The following ZFP14 variants were observed in gnomAD, a reference collection of about 807,000 sequenced individuals.
The protein encoded by ZFP14 is zinc finger protein 14 homolog.
A neutral mutation model predicts 54.5 loss-of-function variants in ZFP14; 22 were observed. The ratio of observed to expected loss-of-function variants is 0.40; its 90% CI spans 0.29 to 0.58. The LOEUF (loss-of-function observed/expected upper bound fraction) is 0.58. Ranked by LOEUF, ZFP14 falls within the 20% of genes least tolerant of loss-of-function variation. ZFP14 has a pLI of 0.39. For missense variants in ZFP14, 470 were observed against 637.8 expected, an observed-to-expected ratio of 0.74 and a Z score of 2.83; for synonymous variants, 159 against 204.0, an observed-to-expected ratio of 0.78 and a Z score of 1.88.
At chr19:36,377,547 A>G (rs990544736) in intron 1 of ZFP14, among the ~76,000 whole-genome samples, 3 of 14,122 alleles carry the variant, frequency 2.1e-4, no homozygotes, top group Admixed American at 7.6e-4. Context: ...CCCTGTCTCT[A>G]AAAAAAAAAA....
At position 36,341,227 on chromosome 19, in the gene ZFP14, T is replaced by A. The variant is rs765596255; in HGVS notation, c.599A>T (p.Tyr200Phe). The A allele has an allele frequency of 2.0e-5, 32 of 1,614,224 alleles. No individual in the cohort carries two copies. In the East Asian group the frequency reaches 5.6e-4, roughly 28 times the overall value. ...HLRIHTGEKP[Y>F]KCKECGQAFR... ...GGCCTGCCCACATTCCTTACACTTA[T>A]AAGGTTTCTCACCAGTATGAATTCT... The change falls in exon 5 of 5, where the codon TAT becomes TTT. Residue 200 changes from tyrosine to phenylalanine, a missense_variant. Physicochemically the swap from Tyr to Phe is conservative, Grantham distance 22 (BLOSUM62 3). Coordinates refer to ENST00000270001, the MANE Select transcript of ZFP14 (RefSeq NM_020917.3). This position sits in a 1 kb window ranked among gnomAD's most constrained non-coding sequence, Gnocchi z 4.2.
chr19:36,367,779 G>T, intron 2 of ZFP14, 105 bp downstream of exon 2: 2 of 1,378,750 alleles, frequency 1.5e-6, no homozygotes, highest in Non-Finnish European at 2.0e-6. Context: ...GCAGGTTCTT[G>T]GATGAAGCTC....
rs1411050667 is a variant in ZFP14, at chr19:36,340,831, T to C, written c.995A>G (p.Lys332Arg). 6.2e-7 allele frequency: 1 copy of C among 1,613,738 alleles called. No individual in the cohort carries two copies. Among genetic ancestry groups the C allele is most frequent in the African/African-American group, 1.3e-5 (1 of 74,838 alleles). ...VCGPDLRVHQKIHFGEKPYEC... is the reference protein window; with the variant it reads ...VCGPDLRVHQRIHFGEKPYEC... ...ATAGGGTTTCTCACCAAAATGAATTTTCTGATGTACTCTAAGGTCTGGACC... is the reference window on the plus strand; with the variant it reads ...ATAGGGTTTCTCACCAAAATGAATTCTCTGATGTACTCTAAGGTCTGGACC... The change falls in exon 5 of 5, where the codon AAA (lysine) becomes AGA (arginine). Residue 332 changes from lysine to arginine, a missense_variant. Physicochemically the swap from Lys to Arg is conservative, Grantham distance 26. Coordinates refer to ENST00000270001, the MANE Select transcript of ZFP14 (RefSeq NM_020917.3). This position sits in a 1 kb window ranked among gnomAD's most constrained non-coding sequence, Gnocchi z 5.4.
At chr19:36,376,860 A>G (rs1028391339) in intron 1 of ZFP14, among the ~76,000 whole-genome samples, 1 of 152,208 alleles carries the variant, frequency 6.6e-6, no homozygotes, top group Non-Finnish European at 1.5e-5. Flanking sequence ...AAGAGATTAA[A>G]TAAATTGCCC....
In ZFP14 at chr19:36,341,446, C is replaced by T. The variant is rs767001504; in HGVS notation, c.380G>A (p.Ser127Asn). Reference sequence around the variant, plus strand: ...TTGTTCCTTTTCCCCCTCAATCTTGCTTTTGCATTCCCAATCATTCCTAAA... The same window carrying T: ...TTGTTCCTTTTCCCCCTCAATCTTGTTTTTGCATTCCCAATCATTCCTAAA... ...SIFRNDWECK[S>N]KIEGEKEQQE... is the part of the protein sequence containing the mutation. Residue 127 changes from serine (S) to asparagine (N), a missense_variant, in exon 5 of 5, where the codon AGC becomes AAC. Physicochemically the swap from Ser to Asn is conservative, Grantham distance 46 (BLOSUM62 1). Coordinates refer to ENST00000270001, the MANE Select transcript of ZFP14 (RefSeq NM_020917.3). This position sits in a 1 kb window ranked among gnomAD's most constrained non-coding sequence, Gnocchi z 4.2. 1 of 1,614,126 alleles carries T rather than the reference C, an allele frequency of 6.2e-7. No individual in the cohort carries two copies. The highest frequency in any genetic ancestry group is 8.5e-7 in the Non-Finnish European group (1 of 1,180,008).
chr19:36,361,659 C>T (rs553399335), intron 3 of ZFP14, among the ~76,000 whole-genome samples: 94 of 152,074 alleles, frequency 6.2e-4, no homozygotes, highest in Non-Finnish European at 1.1e-3. Flanking sequence ...CTCAGTCTCC[C>T]GAGTAGCTGG....
intron 4 of ZFP14, among the ~76,000 whole-genome samples, chr19:36,358,007 T>A: frequency 6.6e-6 from 1 of 151,676 alleles, no homozygotes; most frequent in East Asian, 1.9e-4. Context: ...CCTTCCAAAG[T>A]ACAGGGATTC....
intron 2 of ZFP14, among the ~76,000 whole-genome samples, chr19:36,366,991 T>C (rs1432272665): frequency 6.6e-6 from 1 of 151,980 alleles, no homozygotes; most frequent in African/African-American, 2.4e-5. Context: ...CCATCTCTAC[T>C]AAAAATGCAA....
intron 4 of ZFP14, among the ~76,000 whole-genome samples, chr19:36,349,407 G>A (rs1282506452): frequency 6.6e-6 from 1 of 151,654 alleles, no homozygotes; most frequent in African/African-American, 2.4e-5. Context: ...GCTCACGCCT[G>A]TAATCCCAGC....
chr19:36,369,677 T>C (rs1435169880), intron 1 of ZFP14, among the ~76,000 whole-genome samples: 3 of 151,950 alleles, frequency 2.0e-5, no homozygotes, highest in South Asian at 4.2e-4. Flanking sequence ...TCCTAAAATG[T>C]TGGGATTACA....
At chr19:36,348,896 T>A (rs987036108) in intron 4 of ZFP14, among the ~76,000 whole-genome samples, 3 of 152,116 alleles carry the variant, frequency 2.0e-5, no homozygotes, top group Non-Finnish European at 4.4e-5. Context: ...TTTTTATCAA[T>A]GCTCTGACTC....
At position 36,341,686 on chromosome 19, in the gene ZFP14, C is replaced by G; in HGVS notation, c.236-96G>C. 1 of 1,166,184 alleles carries G rather than the reference C, an allele frequency of 8.6e-7. No homozygotes were observed. Among genetic ancestry groups the G allele is most frequent in the Admixed American group, 3.2e-5 (1 of 31,586 alleles). 72.2% of individuals were successfully genotyped at this position (1,166,184 alleles called of 1,614,324 possible). On this transcript the variant is annotated intron_variant, in intron 4 of 4. Coordinates refer to ENST00000270001, the MANE Select transcript of ZFP14 (RefSeq NM_020917.3). This position sits in a 1 kb window ranked among gnomAD's most constrained non-coding sequence, Gnocchi z 4.2. ...AACCACTTCTATAGAGAAAAGGCAC[C>G]TAAAATAATGCCTGTTACAAATTGA...
chr19:36,335,252 T>C lies in ZFP14; in HGVS notation c.*4972A>G, dbSNP rs908865495. ...TTTTTCAAATACCATCGAGAATTAA[T>C]ATTCCTTGAAGCAAACTTCTGGAGA... On this transcript the variant is annotated 3_prime_UTR_variant, in exon 5 of 5. Coordinates refer to ENST00000270001, the MANE Select transcript of ZFP14 (RefSeq NM_020917.3). The C allele has an allele frequency of 4.6e-5, 7 of 152,212 alleles. No individual in the cohort carries two copies. Among genetic ancestry groups the C allele is most frequent in the African/African-American group, 1.7e-4 (7 of 41,458 alleles). The allele number at this position is 152,212 out of a possible 1,614,324, so 9.4% of individuals were successfully genotyped here. A position where few individuals can be genotyped will look rare whatever the true frequency, so the allele number is the denominator to read the frequency against.
Position 36,340,160 on chromosome 19 carries a change from A to AT in ZFP14, c.*63dup. 3 of 1,452,616 alleles carry AT rather than the reference A, an allele frequency of 2.1e-6. No homozygotes were observed. The allele number at this position is 1,452,616 out of a possible 1,614,324, so 90.0% of individuals were successfully genotyped here. ...ATGCTTGGAATTGAGCATGAAACAC[A>AT]TTTTCTCAAAAATGAATTTTCTGAT... On this transcript the variant is annotated 3_prime_UTR_variant, in exon 5 of 5. Coordinates refer to ENST00000270001, the MANE Select transcript of ZFP14 (RefSeq NM_020917.3). The surrounding 1 kb of genome is among the most constrained non-coding windows in gnomAD (Gnocchi z 5.4).
At chr19:36,372,077 G>A (rs953247540) in intron 1 of ZFP14, among the ~76,000 whole-genome samples, 61 of 150,494 alleles carry the variant, frequency 4.1e-4, no homozygotes, top group Non-Finnish European at 1.5e-4. Flanking sequence ...GAAAGGAAGG[G>A]AGGGAGGTAG....
In ZFP14 at chr19:36,352,798, G is replaced by A. The variant is rs190818975; in HGVS notation, c.235+7637C>T. ...CTACTAAAAATATAAAAAATTAGCC[G>A]GGCGTGGTGGCAGGCGCCTGTAGTC... On this transcript the variant is annotated intron_variant, in intron 4 of 4. Transcript: ENST00000270001. Among the ~76,000 whole-genome samples the A allele has an allele frequency of 7.7e-5, 11 of 142,360 alleles. 3 individuals carry two copies. The highest frequency in any genetic ancestry group is 2.2e-4 in the Admixed American group (3 of 13,898). The allele number at this position is 142,360 out of a possible 152,430, so 93.4% of individuals were successfully genotyped here.
rs1431623267 is a variant in ZFP14 at position 36,340,423 on chromosome 19, G to A, written c.1403C>T (p.Thr468Ile). ...ACCAGTGTGAATACTCTGATGTTGG[G>A]TAAGTTGTGAGAGCAGTCTAAAAGG... is the stretch of plus-strand genomic sequence containing the variant. The part of the protein sequence containing the change: ...RKPFRLLSQL[T>I]QHQSIHTGEK... Residue 468 changes from threonine (T) to isoleucine (I), a missense_variant, in exon 5 of 5, where the codon ACC becomes ATC. By Grantham distance (89) the Thr-to-Ile change is moderately conservative. Transcript: ENST00000270001. The surrounding 1 kb of genome is among the most constrained non-coding windows in gnomAD (Gnocchi z 5.4). 3 of 1,613,948 alleles carry A rather than the reference G, an allele frequency of 1.9e-6. No homozygotes were observed. Among genetic ancestry groups the A allele is most frequent in the South Asian group, 1.1e-5 (1 of 91,076 alleles).
intron 4 of ZFP14, among the ~76,000 whole-genome samples, chr19:36,354,946 C>T (rs1230051981): frequency 1.4e-5 from 2 of 143,296 alleles, no homozygotes; most frequent in South Asian, 2.2e-4. Context: ...GCTGGGATTA[C>T]AGGCACGAAG....
chr19:36,373,277 CAA>C (rs577636762), intron 1 of ZFP14, among the ~76,000 whole-genome samples: 1 of 88,132 alleles, frequency 1.1e-5, no homozygotes, highest in African/African-American at 4.3e-5. Flanking sequence ...AACTCCGTCT[CAA>C]AAAAAAAAAA....
Sources: gnomAD v4.1 joint callset for allele counts (sites outside exome capture counted in the v4.1 genomes callset) on GRCh38, gnomAD v4.1.1 for gene constraint, Gnocchi (gnomAD v3.1) non-coding constraint, MANE v1.5 for transcripts, NCBI Gene and HGNC (gene_info 2026-07-23, HGNC 2026-07-21) for gene names.